PKHD1: variants seen among roughly 807,000 people sequenced by gnomAD.
PKHD1 encodes the protein PKHD1 ciliary IPT domain containing fibrocystin/polyductin.
PKHD1 carries 291 observed loss-of-function variants against 412.0 expected under a neutral mutation model. The ratio of observed to expected loss-of-function variants is 0.71; its 90% CI spans 0.64 to 0.78. The LOEUF is 0.78. PKHD1 is among the 30% of genes least tolerant of loss of function. The pLI is 0.00. For synonymous variants in PKHD1, 1,777 were observed against 1,821.5 expected (o/e 0.98, Z 0.62); for missense variants, 4,825 against 4,950.7 (o/e 0.97, Z 0.76).
At chr6:51,620,802 A>ATATACATATATATATG (rs1561971278) in intron 66 of PKHD1, among the ~76,000 whole-genome samples, 2 of 141,556 alleles carry the variant, frequency 1.4e-5, no homozygotes, top group African/African-American at 5.2e-5. Flanking sequence ...ATATATATGT[A>ATATACATATATATATG]TATATATATA....
rs1412486758 is a variant in PKHD1, at chr6:52,065,020, G to A, written c.911C>T (p.Pro304Leu). The change falls in exon 13 of 67, where the codon CCC (proline) becomes CTC (leucine). Residue 304 changes from proline to leucine, a missense_variant. Coordinates refer to ENST00000371117, the MANE Select transcript of PKHD1 (RefSeq NM_138694.4). ...CCGAGTGGTGCACTCAATCTTCCTG[G>A]GAGACACGTGTCTAATATCACATGG... ...GIPCDIRHVS[P>L]RKIECTTRAP... is the part of the protein sequence containing the mutation. 5 of 1,598,214 alleles carry A rather than the reference G, an allele frequency of 3.1e-6. No homozygotes were observed. Among genetic ancestry groups the A allele is most frequent in the South Asian group, 1.1e-5 (1 of 90,608 alleles).
intron 43 of PKHD1, among the ~76,000 whole-genome samples, chr6:51,890,348 A>C (rs1778908366): frequency 6.6e-6 from 1 of 152,136 alleles, no homozygotes; most frequent in African/African-American, 2.4e-5. Flanking sequence ...TAAACAAGAG[A>C]GTACAAAGAA....
At chr6:51,989,428 G>A (rs12194229) in intron 35 of PKHD1, among the ~76,000 whole-genome samples, 3,111 of 152,250 alleles carry the variant, frequency 0.02, 55 homozygotes, top group South Asian at 0.049. Context: ...CCAAAAATAC[G>A]TATAGGTACA....
At chr6:51,769,826 G>A (rs1325975722) in intron 55 of PKHD1, among the ~76,000 whole-genome samples, 5 of 151,310 alleles carry the variant, frequency 3.3e-5, no homozygotes, top group African/African-American at 9.7e-5. Flanking sequence ...TATCTCGTAC[G>A]CTATATTCTC....
intron 60 of PKHD1, among the ~76,000 whole-genome samples, chr6:51,742,083 G>A (rs1261492254): frequency 6.6e-6 from 1 of 152,186 alleles, no homozygotes; most frequent in Non-Finnish European, 1.5e-5. Flanking sequence ...AGATCTAGGG[G>A]TAAATAGGAG....
intron 33 of PKHD1, 27 bp from the exon 34 acceptor site, chr6:52,017,656 A>G (rs1270818455): frequency 9.0e-6 from 14 of 1,561,932 alleles, no homozygotes; most frequent in Non-Finnish European, 1.2e-5. Context: ...CCATTAGGAA[A>G]GAACCACAGA....
intron 36 of PKHD1, among the ~76,000 whole-genome samples, chr6:51,957,325 C>A (rs1015629870): frequency 5.3e-5 from 8 of 152,060 alleles, no homozygotes; most frequent in African/African-American, 1.9e-4. Context: ...GGAAATTTCT[C>A]AGATGTTCTG....
chr6:51,829,958 G>A (rs575863690), intron 52 of PKHD1, among the ~76,000 whole-genome samples: 43 of 152,146 alleles, frequency 2.8e-4, no homozygotes, highest in Admixed American at 1.6e-3. Context: ...GTAAAAGTGG[G>A]GATAATAATA....
chr6:51,947,948 T>C (rs933762415), intron 36 of PKHD1, among the ~76,000 whole-genome samples: 6 of 152,164 alleles, frequency 3.9e-5, no homozygotes, highest in African/African-American at 1.4e-4. Flanking sequence ...TCCCATTCCA[T>C]GAATGGTAAC....
chr6:51,851,343 T>C (rs1057091676), intron 49 of PKHD1, among the ~76,000 whole-genome samples: 1 of 152,226 alleles, frequency 6.6e-6, no homozygotes, highest in Non-Finnish European at 1.5e-5. Context: ...ATCAGGGATA[T>C]TGGCCTGAAA....
chr6:51,690,842 C>T (rs866767522), intron 60 of PKHD1, among the ~76,000 whole-genome samples: 26 of 152,118 alleles, frequency 1.7e-4, no homozygotes, highest in African/African-American at 5.8e-4. Context: ...ATAGCTTCTG[C>T]ACAGAAACAG....
At chr6:51,773,872 T>C (rs1025727259) in intron 54 of PKHD1, among the ~76,000 whole-genome samples, 1 of 151,424 alleles carries the variant, frequency 6.6e-6, no homozygotes, top group Non-Finnish European at 1.5e-5. Flanking sequence ...ATATCAACTA[T>C]GAAAATGTCA....
chr6:51,969,410 A>T (rs530592921), intron 35 of PKHD1, among the ~76,000 whole-genome samples: 6 of 152,262 alleles, frequency 3.9e-5, no homozygotes, highest in East Asian at 1.9e-4. Flanking sequence ...TTTTTAAAAA[A>T]TTTTTTTAAT....
intron 60 of PKHD1, among the ~76,000 whole-genome samples, chr6:51,695,085 A>G (rs145921665): frequency 6.6e-6 from 1 of 152,216 alleles, no homozygotes; most frequent in African/African-American, 2.4e-5. Flanking sequence ...AACCAATGGC[A>G]AGTAGACAAA....
At chr6:51,666,939 T>C (rs1485933817) in intron 60 of PKHD1, among the ~76,000 whole-genome samples, 1 of 151,630 alleles carries the variant, frequency 6.6e-6, no homozygotes, top group African/African-American at 2.4e-5. Flanking sequence ...TAATCCAGTC[T>C]ATCATTGTTG....
chr6:51,685,572 G>C (rs997829719), intron 60 of PKHD1, among the ~76,000 whole-genome samples: 2 of 152,024 alleles, frequency 1.3e-5, no homozygotes, highest in African/African-American at 4.8e-5. Context: ...CAGTGTTTCT[G>C]AGATTGGTCC....
At chr6:51,638,660 C>A (rs973159985) in intron 64 of PKHD1, among the ~76,000 whole-genome samples, 189 bp downstream of exon 64, 4 of 151,968 alleles carry the variant, frequency 2.6e-5, no homozygotes, top group Admixed American at 6.6e-5. Flanking sequence ...CCAGGAGTAA[C>A]CTGAGGTTTC....
intron 55 of PKHD1, among the ~76,000 whole-genome samples, chr6:51,760,336 A>G (rs1405635688): frequency 6.6e-6 from 1 of 152,142 alleles, no homozygotes; most frequent in Non-Finnish European, 1.5e-5. Context: ...TACCAAATCA[A>G]CAATAACAAA....
chr6:52,067,572 G>A (rs180863742), intron 11 of PKHD1, among the ~76,000 whole-genome samples: 1 of 152,300 alleles, frequency 6.6e-6, no homozygotes, highest in Non-Finnish European at 1.5e-5. Context: ...TGAAAGAATA[G>A]AGAACTTTGG....
Sources: gnomAD v4.1 joint callset for allele counts (sites outside exome capture counted in the v4.1 genomes callset) on GRCh38, gnomAD v4.1.1 for gene constraint, MANE v1.5 for transcripts, NCBI Gene and HGNC (gene_info 2026-07-23, HGNC 2026-07-21) for gene names.